The following QTMAN variants were observed in gnomAD, a reference collection of about 807,000 sequenced individuals.
The protein encoded by QTMAN is queuosine-tRNA mannosyltransferase, also known as tRNA-queuosine alpha-mannosyltransferase.
the QTMAN span, among the ~76,000 whole-genome samples, chr2:144,165,461 T>G: frequency 6.6e-6 from 1 of 151,972 alleles, no homozygotes; most frequent in Non-Finnish European, 1.5e-5. Flanking sequence ...TTGGGTCAAG[T>G]TTTCTCAGTA....
the QTMAN span, chr2:143,941,605 G>A: frequency 1.3e-5 from 2 of 151,714 alleles, no homozygotes; most frequent in African/African-American, 4.9e-5. Flanking sequence ...AACCCGGGAG[G>A]TGGAGCTTGC....
the QTMAN span, among the ~76,000 whole-genome samples, chr2:144,053,738 G>T: frequency 3.3e-5 from 5 of 152,142 alleles, no homozygotes; most frequent in Non-Finnish European, 5.9e-5. Context: ...GCTTCTGGAC[G>T]TCATTTAGCC....
the QTMAN span, among the ~76,000 whole-genome samples, chr2:144,126,913 G>A: frequency 1.3e-5 from 2 of 152,058 alleles, no homozygotes; most frequent in Non-Finnish European, 2.9e-5. Context: ...TTTTGAACCC[G>A]ACACAAGTTA....
chr2:143,966,135 G>C, the QTMAN span, among the ~76,000 whole-genome samples: 2 of 152,090 alleles, frequency 1.3e-5, no homozygotes, highest in Non-Finnish European at 2.9e-5. Flanking sequence ...ATGATTCTGT[G>C]AATTTCCCTG....
At chr2:144,246,435 C>T in the QTMAN span, among the ~76,000 whole-genome samples, 3 of 149,630 alleles carry the variant, frequency 2.0e-5, no homozygotes, top group African/African-American at 4.9e-5. Flanking sequence ...TAGCCGGGCG[C>T]GGTGGCGGGC....
At chr2:144,110,381 G>A in the QTMAN span, among the ~76,000 whole-genome samples, 1 of 152,086 alleles carries the variant, frequency 6.6e-6, no homozygotes, top group African/African-American at 2.4e-5. Context: ...TCACACAATG[G>A]GGCCTGTCAT....
At chr2:144,034,825 T>C in the QTMAN span, among the ~76,000 whole-genome samples, 1 of 152,124 alleles carries the variant, frequency 6.6e-6, no homozygotes, top group African/African-American at 2.4e-5. Context: ...TTTTAAGGAG[T>C]GGAGGGTTGG....
the QTMAN span, among the ~76,000 whole-genome samples, chr2:144,160,838 A>G: frequency 6.6e-6 from 1 of 152,202 alleles, no homozygotes; most frequent in East Asian, 1.9e-4. Flanking sequence ...ATTCTTACAC[A>G]CAACTGGTAC....
At chr2:144,320,420 T>C in the QTMAN span, among the ~76,000 whole-genome samples, 3 of 152,210 alleles carry the variant, frequency 2.0e-5, no homozygotes, top group Admixed American at 1.3e-4. Flanking sequence ...CTTCTATCCA[T>C]TCAACTAACA....
chr2:143,970,695 A>T, the QTMAN span: 1 of 1,610,918 alleles, frequency 6.2e-7, no homozygotes, highest in African/African-American at 1.3e-5. Context: ...GACACGTGGA[A>T]ATTGAGTCCT....
chr2:144,123,289 C>T, the QTMAN span, among the ~76,000 whole-genome samples: 1 of 152,034 alleles, frequency 6.6e-6, no homozygotes, highest in Non-Finnish European at 1.5e-5. Flanking sequence ...CATAAAGGTA[C>T]AGTAATAGAT....
the QTMAN span, among the ~76,000 whole-genome samples, chr2:144,252,418 G>A: frequency 6.6e-6 from 1 of 152,074 alleles, no homozygotes; most frequent in Non-Finnish European, 1.5e-5. Context: ...GTAAGGGGGG[G>A]CAAAAGCTCT....
chr2:143,949,753 T>G, the QTMAN span, among the ~76,000 whole-genome samples: 1 of 151,874 alleles, frequency 6.6e-6, no homozygotes, highest in Non-Finnish European at 1.5e-5. Flanking sequence ...AAAGCAAATG[T>G]TACCTGAAAA....
At chr2:144,265,312 C>T in the QTMAN span, among the ~76,000 whole-genome samples, 1 of 152,148 alleles carries the variant, frequency 6.6e-6, no homozygotes, top group Non-Finnish European at 1.5e-5. Context: ...CTTTGCATGG[C>T]CTTGCAACAA....
chr2:144,019,725 C>G, the QTMAN span, among the ~76,000 whole-genome samples: 9 of 152,122 alleles, frequency 5.9e-5, no homozygotes, highest in African/African-American at 2.2e-4. Flanking sequence ...AACCAGAGAC[C>G]AGGGGAGGCC....
chr2:144,162,898 A>C, the QTMAN span, among the ~76,000 whole-genome samples: 3 of 152,302 alleles, frequency 2.0e-5, no homozygotes, highest in East Asian at 5.8e-4. Context: ...AGTGGACCTG[A>C]CTGTGCCCAG....
At chr2:144,226,158 G>A in the QTMAN span, among the ~76,000 whole-genome samples, 2 of 152,092 alleles carry the variant, frequency 1.3e-5, no homozygotes, top group African/African-American at 4.8e-5. Flanking sequence ...TGAATAGAAA[G>A]ATAAAGACAG....
the QTMAN span, among the ~76,000 whole-genome samples, chr2:144,223,724 T>A: frequency 6.6e-6 from 1 of 152,346 alleles, no homozygotes; most frequent in African/African-American, 2.4e-5. Flanking sequence ...CTTGAGCTCA[T>A]GACAGTCTGG....
chr2:144,032,693 T>G, the QTMAN span, among the ~76,000 whole-genome samples: 1 of 152,320 alleles, frequency 6.6e-6, no homozygotes, highest in Non-Finnish European at 1.5e-5. Context: ...ACTTCAACCA[T>G]GAGGACACCA....
Sources: gnomAD v4.1 joint callset for allele counts (sites outside exome capture counted in the v4.1 genomes callset) on GRCh38, gnomAD v4.1.1 for gene constraint, MANE v1.5 for transcripts, NCBI Gene and HGNC (gene_info 2026-07-23, HGNC 2026-07-21) for gene names.